ROBO1: variants seen among roughly 807,000 people sequenced by gnomAD.
ROBO1 encodes the protein roundabout homolog 1.
ROBO1 carries 149 observed loss-of-function variants against 195.9 expected under a neutral mutation model. The observed-to-expected ratio is 0.76, with a 90% confidence interval of 0.67 to 0.87. The LOEUF is 0.87. ROBO1 is among the 40% of genes least tolerant of loss of function. ROBO1 has a pLI of 0.00. For synonymous variants in ROBO1, 816 were observed against 733.2 expected (o/e 1.11, Z -1.82); for missense variants, 1,933 against 2,068.3 (o/e 0.93, Z 1.27).
At chr3:79,007,584 T>C (rs1376408216) in intron 3 of ROBO1, among the ~76,000 whole-genome samples, 2 of 152,236 alleles carry the variant, frequency 1.3e-5, no homozygotes, top group Non-Finnish European at 2.9e-5. Flanking sequence ...ATCAAATTTA[T>C]ATTTATTTTA....
At chr3:78,925,137 C>CTT (rs1300141341) in intron 4 of ROBO1, among the ~76,000 whole-genome samples, 3 of 151,958 alleles carry the variant, frequency 2.0e-5, no homozygotes, top group Non-Finnish European at 4.4e-5. Context: ...TTAATGAATA[C>CTT]TTTTTTCTGC....
At chr3:78,771,165 T>A (rs2083365552) in intron 4 of ROBO1, among the ~76,000 whole-genome samples, 1 of 152,190 alleles carries the variant, frequency 6.6e-6, no homozygotes, top group South Asian at 2.1e-4. Context: ...TTTATTCCCA[T>A]TGCTTATTTT....
chr3:78,944,914 G>C lies in ROBO1; in HGVS notation c.173-5987C>G, dbSNP rs116484725. Among the ~76,000 whole-genome samples the C allele has an allele frequency of 7.4e-3, 1,128 of 152,286 alleles. 12 individuals are homozygous for C. Among genetic ancestry groups the C allele is most frequent in the African/African-American group, 0.026 (1,088 of 41,554 alleles). On this transcript the variant is annotated intron_variant, in intron 3 of 30. Transcript: ENST00000464233. ...CTACACCCAGGGAGTCTTGCTCATT[G>C]CTAGCACAGCAGTCCCAGATCAAAC...
intron 2 of ROBO1, among the ~76,000 whole-genome samples, chr3:79,330,296 G>T (rs1386443611): frequency 8.0e-6 from 1 of 125,558 alleles, no homozygotes; most frequent in Admixed American, 7.8e-5. Flanking sequence ...TATATATAAA[G>T]AATTTATTTC....
intron 4 of ROBO1, among the ~76,000 whole-genome samples, chr3:78,866,354 C>T (rs2035179771): frequency 6.6e-6 from 1 of 152,060 alleles, no homozygotes; most frequent in African/African-American, 2.4e-5. Flanking sequence ...CCATGGGTGT[C>T]CCTCGGATCA....
At chr3:79,225,435 T>C (rs13087498) in intron 2 of ROBO1, among the ~76,000 whole-genome samples, 36,937 of 152,064 alleles carry the variant, frequency 0.24, 4,925 homozygotes, top group Non-Finnish European at 0.31. Flanking sequence ...CCTATAATTC[T>C]CCCCACTTGC....
intron 1 of ROBO1, among the ~76,000 whole-genome samples, chr3:79,604,607 T>A (rs1469226215): frequency 6.6e-6 from 1 of 152,000 alleles, no homozygotes; most frequent in African/African-American, 2.4e-5. Flanking sequence ...TACTAAGAAT[T>A]ATATCAAAGA....
intron 3 of ROBO1, among the ~76,000 whole-genome samples, chr3:79,085,365 A>T (rs2108473671): frequency 6.6e-6 from 1 of 152,288 alleles, no homozygotes; most frequent in African/African-American, 2.4e-5. Flanking sequence ...AGAAACACTA[A>T]CATGTGTGAT....
At chr3:79,706,292 A>G (rs1576259256) in intron 1 of ROBO1, among the ~76,000 whole-genome samples, 2 of 152,236 alleles carry the variant, frequency 1.3e-5, no homozygotes, top group East Asian at 3.9e-4. Context: ...TAAATGTTTT[A>G]TAGATACCCT....
At chr3:79,214,430 T>C (rs1442113942) in intron 2 of ROBO1, among the ~76,000 whole-genome samples, 1 of 152,120 alleles carries the variant, frequency 6.6e-6, no homozygotes, top group African/African-American at 2.4e-5. Flanking sequence ...CTGTCCTCCC[T>C]TGCATGACTT....
At chr3:78,676,969 C>T (rs1446323463) in intron 10 of ROBO1, among the ~76,000 whole-genome samples, 7 of 152,224 alleles carry the variant, frequency 4.6e-5, no homozygotes, top group Middle Eastern at 6.8e-3. Flanking sequence ...AGACTAACAG[C>T]GGATCTCTCG....
chr3:78,921,649 T>C (rs762012843), intron 4 of ROBO1, among the ~76,000 whole-genome samples: 2 of 152,344 alleles, frequency 1.3e-5, no homozygotes, highest in Non-Finnish European at 2.9e-5. Context: ...TATGTTTGTA[T>C]ATAAAATATG....
chr3:79,343,076 T>G (rs1248158562), intron 2 of ROBO1, among the ~76,000 whole-genome samples: 1 of 152,188 alleles, frequency 6.6e-6, no homozygotes, highest in African/African-American at 2.4e-5. Flanking sequence ...TTTTTCGGAA[T>G]GTCATATTGT....
intron 2 of ROBO1, among the ~76,000 whole-genome samples, chr3:79,575,667 C>A (rs1170602663): frequency 1.3e-5 from 2 of 149,274 alleles, no homozygotes; most frequent in Non-Finnish European, 1.5e-5. Flanking sequence ...TACCAAGATG[C>A]CTAAAGGAAA....
At chr3:79,146,648 C>T in intron 2 of ROBO1, among the ~76,000 whole-genome samples, 1 of 151,764 alleles carries the variant, frequency 6.6e-6, no homozygotes, top group East Asian at 1.9e-4. Flanking sequence ...TTCATTGTTA[C>T]CATTTTTGCA....
At chr3:78,816,939 C>T (rs1375685802) in intron 4 of ROBO1, among the ~76,000 whole-genome samples, 1 of 151,958 alleles carries the variant, frequency 6.6e-6, no homozygotes, top group African/African-American at 2.4e-5. Flanking sequence ...ACATGTGTGA[C>T]TGACCTGCGC....
intron 2 of ROBO1, among the ~76,000 whole-genome samples, chr3:79,139,366 C>T (rs1372603759): frequency 6.6e-6 from 1 of 152,038 alleles, no homozygotes; most frequent in Admixed American, 6.6e-5. Context: ...GAGAAATGTT[C>T]ATAATTTTAA....
At chr3:78,911,635 TAACCTGAACTTG>T (rs2038246622) in intron 4 of ROBO1, among the ~76,000 whole-genome samples, 2 of 152,026 alleles carry the variant, frequency 1.3e-5, no homozygotes, top group Admixed American at 1.3e-4. Context: ...ACCCGACCTT[TAACCTGAACTTG>T]CCTTTGGGGA....
At chr3:79,002,855 C>G (rs1036955352) in intron 3 of ROBO1, among the ~76,000 whole-genome samples, 1 of 152,000 alleles carries the variant, frequency 6.6e-6, no homozygotes, top group Non-Finnish European at 1.5e-5. Context: ...TAGAACTCCC[C>G]TCTCTCAATG....
Sources: gnomAD v4.1 joint callset for allele counts (sites outside exome capture counted in the v4.1 genomes callset) on GRCh38, gnomAD v4.1.1 for gene constraint, MANE v1.5 for transcripts, NCBI Gene and HGNC (gene_info 2026-07-23, HGNC 2026-07-21) for gene names.